ANKS1B: variants seen among roughly 807,000 people sequenced by gnomAD.
The protein encoded by ANKS1B is ankyrin repeat and sterile alpha motif domain containing 1B, also known as ankyrin repeat and sterile alpha motif domain-containing protein 1B.
In ANKS1B, 36 loss-of-function variants were observed where a neutral mutation model predicts 148.3. The observed-to-expected ratio is 0.24, with a 90% CI of 0.19 to 0.32. The LOEUF (loss-of-function observed/expected upper bound fraction) is 0.32. Among genes scored for constraint, ANKS1B ranks in the 10% least tolerant of loss-of-function variants. The pLI is 1.00. For synonymous variants in ANKS1B, 542 were observed against 560.8 expected (o/e 0.97, Z 0.47); for missense variants, 1,157 against 1,542.6 (o/e 0.75, Z 4.19).
rs558351981 is a variant in ANKS1B at position 99,645,576 on chromosome 12, G to C, written c.1272+9491C>G. On this transcript the variant is annotated intron_variant, in intron 9 of 26. Transcript: ENST00000683438. ...GACATAAACTCCAACAGAGAGGAGA[G>C]AGTATATAAATTTATTTTAATATAT... is the stretch of plus-strand genomic sequence containing the variant. Among the ~76,000 whole-genome samples, 9 of 152,232 alleles carry C rather than the reference G, an allele frequency of 5.9e-5. No individual in the cohort carries two copies. In the South Asian group the frequency reaches 1.9e-3, roughly 32 times the overall value.
intron 17 of ANKS1B, among the ~76,000 whole-genome samples, chr12:99,010,887 A>C: frequency 6.9e-6 from 1 of 144,512 alleles, no homozygotes; most frequent in Non-Finnish European, 1.5e-5. Flanking sequence ...CTAGGACTAC[A>C]GGTGTGAGCT....
intron 8 of ANKS1B, among the ~76,000 whole-genome samples, chr12:99,691,288 C>T (rs1437088967): frequency 6.6e-6 from 1 of 152,198 alleles, no homozygotes; most frequent in Non-Finnish European, 1.5e-5. Flanking sequence ...GAGACTTCCT[C>T]CCCATTGTGT....
intron 1 of ANKS1B, among the ~76,000 whole-genome samples, chr12:99,839,292 A>T (rs765984277): frequency 2.0e-5 from 3 of 152,180 alleles, no homozygotes; most frequent in Non-Finnish European, 4.4e-5. Context: ...TTATAGAAAA[A>T]GTAGGAAGAA....
At chr12:99,708,904 G>T (rs1418691455) in intron 8 of ANKS1B, among the ~76,000 whole-genome samples, 1 of 152,042 alleles carries the variant, frequency 6.6e-6, no homozygotes, top group Non-Finnish European at 1.5e-5. Flanking sequence ...TGTTTTAATT[G>T]GAAGCTGTTC....
At chr12:99,609,515 C>T (rs183406150) in intron 9 of ANKS1B, among the ~76,000 whole-genome samples, 2 of 150,286 alleles carry the variant, frequency 1.3e-5, no homozygotes, top group Admixed American at 1.3e-4. Flanking sequence ...GTGGAGATGA[C>T]AAAAGCCCCT....
intron 1 of ANKS1B, among the ~76,000 whole-genome samples, chr12:99,895,369 G>C (rs57944434): frequency 0.064 from 9,706 of 150,740 alleles, 673 homozygotes; most frequent in Middle Eastern, 0.15. Flanking sequence ...CCCATGTGGC[G>C]AAATCTCCAC....
intron 1 of ANKS1B, among the ~76,000 whole-genome samples, chr12:99,826,949 A>G (rs2083268270): frequency 6.6e-6 from 1 of 152,002 alleles, no homozygotes; most frequent in Admixed American, 6.6e-5. Flanking sequence ...CATGTCTGCT[A>G]AAAATAAAGA....
intron 12 of ANKS1B, among the ~76,000 whole-genome samples, chr12:99,327,258 TATAA>T (rs943619105): frequency 5.4e-5 from 6 of 112,082 alleles, no homozygotes; most frequent in East Asian, 2.3e-4. Flanking sequence ...ATTATAATTA[TATAA>T]ATAATTATAA....
rs150125595 is a variant in ANKS1B, at chr12:99,119,222, G to A, written c.2527-34199C>T. Among the ~76,000 whole-genome samples, 1,062 of 152,148 alleles carry A rather than the reference G, an allele frequency of 7.0e-3. 13 individuals are homozygous for A. Among genetic ancestry groups the A allele is most frequent in the South Asian group, 0.047 (227 of 4,814 alleles). On this transcript the variant is annotated intron_variant, in intron 15 of 26. Coordinates refer to ENST00000683438, the MANE Select transcript of ANKS1B (RefSeq NM_001352186.2). ...GCTTTGACAGACAAAAGAGGAGGAG[G>A]CATTGTGACCACAGAGGCAGAAATT...
intron 17 of ANKS1B, among the ~76,000 whole-genome samples, chr12:98,968,680 C>G (rs2099880703): frequency 6.6e-6 from 1 of 151,800 alleles, no homozygotes; most frequent in Non-Finnish European, 1.5e-5. Context: ...ACAGAGGCCT[C>G]TTGGTTCCAA....
intron 17 of ANKS1B, among the ~76,000 whole-genome samples, chr12:98,995,176 G>A (rs2099928774): frequency 2.0e-5 from 3 of 152,114 alleles, no homozygotes; most frequent in Non-Finnish European, 2.9e-5. Flanking sequence ...GATAATGGTA[G>A]TACTACCCGA....
chr12:99,590,004 T>C (rs902450142), intron 9 of ANKS1B, among the ~76,000 whole-genome samples: 1 of 152,188 alleles, frequency 6.6e-6, no homozygotes, highest in Middle Eastern at 3.4e-3. Flanking sequence ...AGAATCTCAG[T>C]AGGGTGGTTA....
chr12:99,789,132 A>T (rs9971928), intron 4 of ANKS1B, among the ~76,000 whole-genome samples: 72,282 of 151,924 alleles, frequency 0.48, 17,724 homozygotes, highest in East Asian at 0.56. Context: ...TGTTTGCATC[A>T]CCACACCCCC....
At chr12:99,132,481 C>CA (rs201298152) in intron 15 of ANKS1B, among the ~76,000 whole-genome samples, 2,099 of 129,384 alleles carry the variant, frequency 0.016, 26 homozygotes, top group East Asian at 0.096. Flanking sequence ...TCCCCGCCTT[C>CA]AAAAAAAAAA....
At chr12:99,400,194 TAATAATAAAAGG>T in intron 11 of ANKS1B, among the ~76,000 whole-genome samples, 1 of 111,996 alleles carries the variant, frequency 8.9e-6, no homozygotes, top group Admixed American at 8.4e-5. Context: ...ATATAGAATC[TAATAATAAAAGG>T]GCCTTACAAC....
intron 11 of ANKS1B, among the ~76,000 whole-genome samples, chr12:99,438,059 T>C (rs1172468775): frequency 2.0e-5 from 3 of 151,950 alleles, no homozygotes; most frequent in African/African-American, 7.2e-5. Context: ...CTAATCACTT[T>C]AAAATTTTTT....
In ANKS1B at chr12:99,488,970, A is replaced by T. The variant is rs190859117; in HGVS notation, c.1438+15506T>A. ...GAAAAATGTTTAAATTAATTAAAAA[A>T]TGAATACAGTACAAACGCAATCCCA... On this transcript the variant is annotated intron_variant, in intron 10 of 26. Coordinates refer to ENST00000683438, the MANE Select transcript of ANKS1B (RefSeq NM_001352186.2). Among the ~76,000 whole-genome samples, 138 of 152,280 alleles carry T rather than the reference A, an allele frequency of 9.1e-4. 3 individuals are homozygous for T. Among genetic ancestry groups the T allele is most frequent in the African/African-American group, 3.2e-3 (134 of 41,540 alleles).
At chr12:99,507,602 T>G (rs2153017181) in intron 9 of ANKS1B, among the ~76,000 whole-genome samples, 1 of 151,960 alleles carries the variant, frequency 6.6e-6, no homozygotes, top group African/African-American at 2.4e-5. Flanking sequence ...AAGTACTCCC[T>G]CTTCTGCTTC....
intron 9 of ANKS1B, among the ~76,000 whole-genome samples, chr12:99,590,323 A>G (rs2097690173): frequency 1.3e-5 from 2 of 151,634 alleles, no homozygotes; most frequent in African/African-American, 4.8e-5. Context: ...TCTAAACAAA[A>G]AAGGCATAGT....
Sources: gnomAD v4.1 joint callset for allele counts (sites outside exome capture counted in the v4.1 genomes callset) on GRCh38, gnomAD v4.1.1 for gene constraint, MANE v1.5 for transcripts, NCBI Gene and HGNC (gene_info 2026-07-23, HGNC 2026-07-21) for gene names.